The following FSIP1 variants were observed in gnomAD, a reference collection of about 807,000 sequenced individuals.
FSIP1 encodes fibrous sheath interacting protein 1.
A neutral mutation model predicts 60.9 loss-of-function variants in FSIP1; 65 were observed. That is an observed-to-expected ratio of 1.07 (90% CI 0.87 to 1.31). FSIP1 has a LOEUF of 1.31. Ranked by LOEUF, FSIP1 falls within the 40% of genes most tolerant of loss-of-function variation. FSIP1 has a pLI of 0.00. For missense variants in FSIP1, 675 were observed against 665.5 expected (o/e 1.01, Z -0.16); for synonymous variants, 209 against 221.2 (o/e 0.94, Z 0.49).
chr15:39,703,387 CAT>C (rs142172930), intron 10 of FSIP1, among the ~76,000 whole-genome samples: 8,742 of 152,188 alleles, frequency 0.057, 685 homozygotes, highest in Admixed American at 0.2. Flanking sequence ...TATCATAACA[CAT>C]GTGAAAAACC....
chr15:39,653,973 C>T (rs1416568588), intron 10 of FSIP1, among the ~76,000 whole-genome samples: 1 of 151,974 alleles, frequency 6.6e-6, no homozygotes, highest in Non-Finnish European at 1.5e-5. Flanking sequence ...TAGAAACACA[C>T]ACATTAGCCT....
At chr15:39,635,572 C>T (rs148394594) in intron 10 of FSIP1, among the ~76,000 whole-genome samples, 2 of 152,210 alleles carry the variant, frequency 1.3e-5, no homozygotes, top group Non-Finnish European at 2.9e-5. Flanking sequence ...TGGGAACAAT[C>T]GGATGGGGGC....
At chr15:39,725,008 G>A (rs374993805) in intron 9 of FSIP1, among the ~76,000 whole-genome samples, 9 of 152,082 alleles carry the variant, frequency 5.9e-5, no homozygotes, top group African/African-American at 1.7e-4. Flanking sequence ...AAAGGCAGGC[G>A]GATCACGAGG....
At chr15:39,700,928 G>A (rs1895030876) in intron 10 of FSIP1, among the ~76,000 whole-genome samples, 1 of 152,182 alleles carries the variant, frequency 6.6e-6, no homozygotes, top group African/African-American at 2.4e-5. Context: ...GAGACAGGCA[G>A]ACTGCTTGAG....
intron 10 of FSIP1, among the ~76,000 whole-genome samples, chr15:39,654,389 G>A (rs769691559): frequency 1.1e-4 from 17 of 152,166 alleles, no homozygotes; most frequent in Non-Finnish European, 2.1e-4. Context: ...CTAGTCACTA[G>A]GTGATAGAAA....
At position 39,780,252 on chromosome 15, in the gene FSIP1, G is replaced by A. The variant is rs371819987; in HGVS notation, c.-8+2376C>T. Among the ~76,000 whole-genome samples, 21 of 152,274 alleles carry A rather than the reference G, an allele frequency of 1.4e-4. 1 individual carries two copies. Among genetic ancestry groups the A allele is most frequent in the East Asian group, 1.4e-3 (7 of 5,184 alleles). On this transcript the variant is annotated intron_variant, in intron 1 of 11. Transcript: ENST00000350221. ...TTAACAATCAATTTTGGCCAGGCGC[G>A]GTGGCTCACGCCTGTAATCCCAGCA...
intron 8 of FSIP1, among the ~76,000 whole-genome samples, chr15:39,727,652 T>G (rs1237134395): frequency 6.6e-6 from 1 of 152,126 alleles, no homozygotes; most frequent in African/African-American, 2.4e-5. Flanking sequence ...GAAGTAGAAT[T>G]TACAGAACCT....
chr15:39,741,412 G>T (rs1397247732), intron 6 of FSIP1, among the ~76,000 whole-genome samples: 1 of 151,474 alleles, frequency 6.6e-6, no homozygotes, highest in Non-Finnish European at 1.5e-5. Context: ...GACCCAGCTG[G>T]ATCACTCAGG....
intron 5 of FSIP1, among the ~76,000 whole-genome samples, chr15:39,763,062 T>C (rs1050023073): frequency 2.0e-5 from 3 of 152,198 alleles, no homozygotes; most frequent in African/African-American, 7.2e-5. Context: ...AAAATATTAA[T>C]AGTGGTTATC....
At chr15:39,688,234 A>C (rs1894461123) in intron 10 of FSIP1, among the ~76,000 whole-genome samples, 1 of 152,226 alleles carries the variant, frequency 6.6e-6, no homozygotes, top group African/African-American at 2.4e-5. Context: ...TCCTCAACTT[A>C]CAATGGGCTT....
chr15:39,660,855 G>A (rs1005004287), intron 10 of FSIP1, among the ~76,000 whole-genome samples: 17 of 152,158 alleles, frequency 1.1e-4, no homozygotes, highest in Admixed American at 3.3e-4. Context: ...CTGAGGTCAG[G>A]AGTTCGAGAT....
chr15:39,751,682 T>A (rs562399593), intron 5 of FSIP1, among the ~76,000 whole-genome samples: 3 of 151,684 alleles, frequency 2.0e-5, no homozygotes, highest in Non-Finnish European at 4.4e-5. Context: ...TGGGAAAATG[T>A]AGGTCAAAGG....
intron 10 of FSIP1, among the ~76,000 whole-genome samples, chr15:39,652,434 T>C (rs1026267977): frequency 7.2e-5 from 11 of 152,252 alleles, no homozygotes; most frequent in African/African-American, 2.4e-4. Flanking sequence ...TCTGTATTTA[T>C]AGAAGCAAGT....
chr15:39,774,853 G>A (rs766403434), intron 2 of FSIP1, among the ~76,000 whole-genome samples: 9 of 152,152 alleles, frequency 5.9e-5, no homozygotes, highest in Admixed American at 1.3e-4. Flanking sequence ...TGGCAGTGGC[G>A]GAAGCAGCAG....
chr15:39,660,181 T>A (rs1893241675), intron 10 of FSIP1, among the ~76,000 whole-genome samples: 1 of 152,158 alleles, frequency 6.6e-6, no homozygotes, highest in Admixed American at 6.5e-5. Flanking sequence ...TTGCCCGTAG[T>A]TTCAACCAGT....
intron 10 of FSIP1, among the ~76,000 whole-genome samples, chr15:39,641,051 T>C (rs1892347979): frequency 6.6e-6 from 1 of 152,180 alleles, no homozygotes; most frequent in Admixed American, 6.5e-5. Context: ...AATACTAACT[T>C]ATACATCCCA....
At chr15:39,673,490 T>C (rs1893800561) in intron 10 of FSIP1, among the ~76,000 whole-genome samples, 1 of 151,736 alleles carries the variant, frequency 6.6e-6, no homozygotes, top group South Asian at 2.1e-4. Flanking sequence ...TTTTTTTTTA[T>C]TTCTGGTAGA....
At chr15:39,717,091 T>C (rs2140564479) in intron 9 of FSIP1, among the ~76,000 whole-genome samples, 1 of 152,226 alleles carries the variant, frequency 6.6e-6, no homozygotes, top group South Asian at 2.1e-4. Flanking sequence ...GGATTACAGG[T>C]GTGAGCCACC....
intron 10 of FSIP1, among the ~76,000 whole-genome samples, chr15:39,688,622 C>CCTT (rs1295228014): frequency 1.2e-3 from 188 of 152,296 alleles, no homozygotes; most frequent in African/African-American, 4.4e-3. Flanking sequence ...ACTTTTAAAA[C>CCTT]TGGGTAGCAA....
Sources: allele counts gnomAD v4.1 joint callset (sites outside exome capture counted in the v4.1 genomes callset), GRCh38; gene constraint gnomAD v4.1.1; transcripts MANE v1.5; gene names NCBI Gene and HGNC (gene_info 2026-07-23, HGNC 2026-07-21).